Variants in MGMT observed in about 807,000 individuals in gnomAD.
The protein encoded by MGMT is methylated-DNA--protein-cysteine methyltransferase.
In MGMT, 14 loss-of-function variants were observed where a neutral mutation model predicts 15.9. The ratio of observed to expected loss-of-function variants is 0.88; its 90% CI spans 0.58 to 1.37. MGMT has a LOEUF of 1.37. MGMT is among the 40% of genes most tolerant of loss of function. The probability of loss-of-function intolerance (pLI) is 0.00; values close to 1 mark genes in which losing one functional copy is unlikely to be tolerated. For synonymous variants in MGMT, 130 were observed against 118.2 expected, an observed-to-expected ratio of 1.10 and a Z score of -0.65; for missense variants, 282 against 268.1, an observed-to-expected ratio of 1.05 and a Z score of -0.36.
intron 2 of MGMT, among the ~76,000 whole-genome samples, chr10:129,658,683 C>T (rs943436464): frequency 2.6e-5 from 4 of 152,180 alleles, no homozygotes; most frequent in African/African-American, 7.2e-5. Flanking sequence ...ATTATCTTCG[C>T]AAGAAAGTAA....
intron 2 of MGMT, among the ~76,000 whole-genome samples, chr10:129,696,107 TCCCCCTTTATTAATGACC>T: frequency 6.6e-6 from 1 of 152,024 alleles, no homozygotes; most frequent in South Asian, 2.1e-4. Flanking sequence ...ACCTCTTCAC[TCCCCCTTTATTAATGACC>T]CCCTGGCTCC....
intron 2 of MGMT, among the ~76,000 whole-genome samples, chr10:129,654,900 ATTCTTC>A (rs371020831): frequency 8.5e-5 from 13 of 152,290 alleles, no homozygotes; most frequent in African/African-American, 2.4e-4. Flanking sequence ...GAAGAAAACT[ATTCTTC>A]TAACTCAGAG....
chr10:129,670,335 G>C (rs1376822152), intron 2 of MGMT, among the ~76,000 whole-genome samples: 1 of 152,036 alleles, frequency 6.6e-6, no homozygotes, highest in Admixed American at 6.6e-5. Context: ...ACTTCAGGTT[G>C]TACCGAAGTA....
At chr10:129,745,674 C>T (rs1848686784) in intron 3 of MGMT, among the ~76,000 whole-genome samples, 2 of 152,078 alleles carry the variant, frequency 1.3e-5, no homozygotes, top group Admixed American at 1.3e-4. Flanking sequence ...GTAATGATAT[C>T]TCATTGTTTT....
At chr10:129,529,137 G>A (rs1845902743) in intron 1 of MGMT, among the ~76,000 whole-genome samples, 2 of 151,968 alleles carry the variant, frequency 1.3e-5, no homozygotes, top group African/African-American at 4.8e-5. Flanking sequence ...CGGAGGCTGT[G>A]AAGCGAGAGC....
intron 2 of MGMT, among the ~76,000 whole-genome samples, chr10:129,665,685 T>C (rs1416543449): frequency 6.6e-6 from 1 of 152,118 alleles, no homozygotes; most frequent in African/African-American, 2.4e-5. Flanking sequence ...TTGATCTTAG[T>C]GATGGTCATG....
intron 1 of MGMT, among the ~76,000 whole-genome samples, chr10:129,473,132 A>T (rs991730490): frequency 6.6e-6 from 1 of 152,222 alleles, no homozygotes; most frequent in African/African-American, 2.4e-5. Flanking sequence ...CGGACACAGG[A>T]TCTGACACGA....
At chr10:129,500,229 G>A (rs934191842) in intron 1 of MGMT, among the ~76,000 whole-genome samples, 2 of 152,160 alleles carry the variant, frequency 1.3e-5, no homozygotes, top group Admixed American at 1.3e-4. Flanking sequence ...GCGCTGATTT[G>A]GGCACCGCCT....
chr10:129,748,102 G>A (rs889117447), intron 3 of MGMT, among the ~76,000 whole-genome samples: 5 of 152,138 alleles, frequency 3.3e-5, no homozygotes, highest in South Asian at 4.1e-4. Context: ...CACTCGTCCC[G>A]AAGAAGTTGC....
chr10:129,556,555 G>A lies in MGMT; in HGVS notation c.125+20178G>A, dbSNP rs1846216365. ...CCTGGCGGAAGAACGCAGCCTCGTC[G>A]GTGGGTTTGGTGATGCTGTGCAGTT... On this transcript the variant is annotated intron_variant, in intron 2 of 4. Coordinates refer to ENST00000651593, the MANE Select transcript of MGMT (RefSeq NM_002412.5). The surrounding 1 kb of genome is among the most constrained non-coding windows in gnomAD (Gnocchi z 4.3). Among the ~76,000 whole-genome samples the A allele has an allele frequency of 2.0e-5, 3 of 152,160 alleles. No homozygotes were observed. The highest frequency in any genetic ancestry group is 1.3e-4 in the Admixed American group (2 of 15,278).
chr10:129,657,685 ACACACACACACACACACACACG>A (rs1262425579), intron 2 of MGMT, among the ~76,000 whole-genome samples: 1 of 138,502 alleles, frequency 7.2e-6, no homozygotes, highest in Non-Finnish European at 1.6e-5. Context: ...ACACACACAC[ACACACACACACACACACACACG>A]CACACACACA....
At chr10:129,488,796 C>G (rs922951035) in intron 1 of MGMT, among the ~76,000 whole-genome samples, 1 of 152,080 alleles carries the variant, frequency 6.6e-6, no homozygotes, top group Admixed American at 6.5e-5. Context: ...TGGCTCCAGC[C>G]CCATGTATAG....
chr10:129,700,762 C>T (rs1203611793), intron 2 of MGMT: 2 of 152,178 alleles, frequency 1.3e-5, no homozygotes, highest in East Asian at 3.8e-4. Flanking sequence ...TTCAGTCTTA[C>T]CCCTGAAAGA....
At chr10:129,476,090 A>G (rs985628092) in intron 1 of MGMT, among the ~76,000 whole-genome samples, 2 of 152,190 alleles carry the variant, frequency 1.3e-5, no homozygotes, top group African/African-American at 4.8e-5. Flanking sequence ...TCACTTTGCC[A>G]CTAGCTTGAG....
chr10:129,551,818 C>T (rs1846160772), intron 2 of MGMT, among the ~76,000 whole-genome samples: 1 of 152,212 alleles, frequency 6.6e-6, no homozygotes, highest in Non-Finnish European at 1.5e-5. Flanking sequence ...AGGGGTCAGG[C>T]ATAGCCTCCT....
chr10:129,655,001 G>C (rs1454718764), intron 2 of MGMT, among the ~76,000 whole-genome samples: 1 of 152,232 alleles, frequency 6.6e-6, no homozygotes. Flanking sequence ...TGCCTGTGGA[G>C]CAGCAGTGGG....
At chr10:129,648,966 C>G (rs1168555637) in intron 2 of MGMT, among the ~76,000 whole-genome samples, 1 of 152,118 alleles carries the variant, frequency 6.6e-6, no homozygotes, top group African/African-American at 2.4e-5. Flanking sequence ...GCTTTGAGTA[C>G]AATGGAAAAT....
chr10:129,535,527 T>A (rs989612995), intron 1 of MGMT, among the ~76,000 whole-genome samples: 1 of 152,216 alleles, frequency 6.6e-6, no homozygotes, highest in Non-Finnish European at 1.5e-5. Flanking sequence ...CCAGCTAATT[T>A]TAATTCTTTT....
At chr10:129,512,416 C>T (rs10764886) in intron 1 of MGMT, among the ~76,000 whole-genome samples, 71,231 of 151,954 alleles carry the variant, frequency 0.47, 17,147 homozygotes, top group East Asian at 0.63. Context: ...CTAATCTCAC[C>T]ACCTGAGGCG....
Sources: allele counts gnomAD v4.1 joint callset (sites outside exome capture counted in the v4.1 genomes callset), GRCh38; gene constraint gnomAD v4.1.1; non-coding constraint Gnocchi (gnomAD v3.1); transcripts MANE v1.5; gene names NCBI Gene and HGNC (gene_info 2026-07-23, HGNC 2026-07-21).